NTM: variants seen among roughly 807,000 people sequenced by gnomAD.
The protein encoded by NTM is neurotrimin, also known as IgLON family member 2.
In NTM, 13 loss-of-function variants were observed where a neutral mutation model predicts 42.1. The observed-to-expected ratio is 0.31, with a 90% confidence interval of 0.20 to 0.49. NTM has a LOEUF of 0.49. NTM is among the 20% of genes least tolerant of loss of function. The probability of loss-of-function intolerance (pLI) is 0.99; values close to 1 mark genes in which losing one functional copy is unlikely to be tolerated. For synonymous variants in NTM, 187 were observed against 179.2 expected (o/e 1.04, Z -0.35); for missense variants, 373 against 452.8 (o/e 0.82, Z 1.60).
In NTM at chr11:131,645,476, A is replaced by T. The variant is rs138303274; in HGVS notation, c.83-266088A>T. Among the ~76,000 whole-genome samples, 889 of 152,336 alleles carry T rather than the reference A, an allele frequency of 5.8e-3. 6 individuals carry two copies. The highest frequency in any genetic ancestry group is 9.8e-3 in the Non-Finnish European group (664 of 68,036). ...TCACGTCAGACACCTTCAGACCTAC[A>T]TGCTAAATAGGGAAAGGAGTTCTGG... On this transcript the variant is annotated intron_variant, in intron 1 of 8. Transcript: ENST00000683400.
intron 1 of NTM, among the ~76,000 whole-genome samples, chr11:131,670,325 C>T (rs1379980498): frequency 6.8e-6 from 1 of 146,940 alleles, no homozygotes; most frequent in East Asian, 1.9e-4. Flanking sequence ...TCTTTCCTTT[C>T]TTTCTTTCTT....
chr11:132,214,302 C>G (rs1022955539), intron 4 of NTM, among the ~76,000 whole-genome samples: 2 of 152,154 alleles, frequency 1.3e-5, no homozygotes, highest in Admixed American at 6.5e-5. Context: ...GATGCCAGCC[C>G]AGTCTGTGCC....
At chr11:132,047,419 C>T (rs1427256914) in intron 2 of NTM, among the ~76,000 whole-genome samples, 1 of 152,260 alleles carries the variant, frequency 6.6e-6, no homozygotes, top group Non-Finnish European at 1.5e-5. Context: ...CTGATGCTGA[C>T]TCCTGAGTAT....
chr11:131,768,271 A>C (rs1418292096), intron 1 of NTM, among the ~76,000 whole-genome samples: 4 of 151,942 alleles, frequency 2.6e-5, no homozygotes, highest in Non-Finnish European at 5.9e-5. Context: ...GGCATGCGCC[A>C]CCATGCCCGG....
At chr11:131,867,827 A>G (rs1280728242) in intron 1 of NTM, among the ~76,000 whole-genome samples, 3 of 152,174 alleles carry the variant, frequency 2.0e-5, no homozygotes, top group Non-Finnish European at 4.4e-5. Context: ...TGGTTTACAC[A>G]CAAGCACAGG....
intron 2 of NTM, among the ~76,000 whole-genome samples, chr11:132,028,437 C>T (rs1414041164): frequency 2.6e-5 from 4 of 152,174 alleles, no homozygotes; most frequent in African/African-American, 9.6e-5. Flanking sequence ...CTCTGGTGTT[C>T]TTGTTTTTGA....
chr11:132,308,814 G>A (rs564127043), intron 5 of NTM, among the ~76,000 whole-genome samples: 4 of 152,118 alleles, frequency 2.6e-5, no homozygotes, highest in Non-Finnish European at 5.9e-5. Flanking sequence ...TTTTTACAAA[G>A]GGACTTAAGA....
chr11:131,727,137 C>A (rs2135448444), intron 1 of NTM, among the ~76,000 whole-genome samples: 1 of 151,414 alleles, frequency 6.6e-6, no homozygotes, highest in South Asian at 2.1e-4. Flanking sequence ...TTGCATTTTC[C>A]AACCCCAAAC....
chr11:132,235,264 G>A (rs2088556536), intron 4 of NTM, among the ~76,000 whole-genome samples: 1 of 152,170 alleles, frequency 6.6e-6, no homozygotes, highest in Non-Finnish European at 1.5e-5. Flanking sequence ...AGCCTCCAAT[G>A]ATGCATCAAT....
intron 1 of NTM, among the ~76,000 whole-genome samples, chr11:131,499,388 C>T (rs2046444556): frequency 6.6e-6 from 1 of 152,134 alleles, no homozygotes; most frequent in Non-Finnish European, 1.5e-5. Flanking sequence ...ACAGTGCCTG[C>T]TCACACATCC....
intron 1 of NTM, among the ~76,000 whole-genome samples, chr11:131,759,722 T>C (rs73595110): frequency 0.012 from 1,814 of 152,104 alleles, 31 homozygotes; most frequent in African/African-American, 0.042. Flanking sequence ...CTTATTTTCA[T>C]AGCTGCTACC....
intron 1 of NTM, among the ~76,000 whole-genome samples, chr11:131,649,877 G>C (rs1163887847): frequency 6.6e-6 from 1 of 152,156 alleles, no homozygotes; most frequent in Admixed American, 6.5e-5. Context: ...TTCCCAGACT[G>C]ACCCCCTTCC....
chr11:132,216,759 G>GC (rs2083935995), intron 4 of NTM, among the ~76,000 whole-genome samples: 1 of 152,168 alleles, frequency 6.6e-6, no homozygotes, highest in Non-Finnish European at 1.5e-5. Context: ...ATTTGCCAAT[G>GC]CCCCAAAGAG....
At chr11:131,789,470 A>G (rs1166744006) in intron 1 of NTM, among the ~76,000 whole-genome samples, 2 of 13,992 alleles carry the variant, frequency 1.4e-4, no homozygotes, top group African/African-American at 2.9e-4. Context: ...GAAGAAGAAG[A>G]AGAAGAAGAA....
intron 4 of NTM, among the ~76,000 whole-genome samples, chr11:132,274,796 T>C (rs1193958549): frequency 2.0e-5 from 3 of 152,290 alleles, no homozygotes; most frequent in Non-Finnish European, 2.9e-5. Context: ...CCAGTCTCTT[T>C]AAATTTTAGC....
chr11:131,475,500 A>G (rs561237749), intron 1 of NTM, among the ~76,000 whole-genome samples: 2 of 152,078 alleles, frequency 1.3e-5, no homozygotes, highest in Non-Finnish European at 2.9e-5. Context: ...GAGGAGGAGG[A>G]GGAGGAGGAT....
Position 132,024,552 on chromosome 11 carries a change from C to T in NTM, c.167+112904C>T, listed in dbSNP as rs181315948. ...TGTTGGTTTTGTTTTTGAATAGTTT[C>T]GATCCCCAGTTGGTTGAATCTATGC... On this transcript the variant is annotated intron_variant, in intron 2 of 8. Coordinates refer to ENST00000683400, the MANE Select transcript of NTM (RefSeq NM_001352005.2). Among the ~76,000 whole-genome samples, 9 of 152,140 alleles carry T rather than the reference C, an allele frequency of 5.9e-5. No individual in the cohort carries two copies. The East Asian group carries it at 1.4e-3, about 23-fold the overall frequency.
intron 1 of NTM, among the ~76,000 whole-genome samples, chr11:131,790,838 TA>T (rs1403468919): frequency 6.6e-6 from 1 of 152,184 alleles, no homozygotes; most frequent in Non-Finnish European, 1.5e-5. Context: ...AGGCACAGAT[TA>T]AAGTTGCAAG....
intron 1 of NTM, among the ~76,000 whole-genome samples, chr11:131,393,936 C>G (rs1944293515): frequency 6.6e-6 from 1 of 152,238 alleles, no homozygotes. Context: ...ATGGCCAATG[C>G]AAGCCGATTA....
Sources: gnomAD v4.1 joint callset for allele counts (sites outside exome capture counted in the v4.1 genomes callset) on GRCh38, gnomAD v4.1.1 for gene constraint, MANE v1.5 for transcripts, NCBI Gene and HGNC (gene_info 2026-07-23, HGNC 2026-07-21) for gene names.